DYNC2H1: variants seen among roughly 807,000 people sequenced by gnomAD.
DYNC2H1 encodes the protein dynein cytoplasmic 2 heavy chain 1, also known as cytoplasmic dynein 2 heavy chain 1.
In DYNC2H1, 410 loss-of-function variants were observed where a neutral mutation model predicts 570.0. The ratio of observed to expected loss-of-function variants is 0.72; its 90% CI spans 0.66 to 0.78. The LOEUF (loss-of-function observed/expected upper bound fraction) is 0.78, where lower values mean the gene tolerates loss of function less well. Ranked by LOEUF, DYNC2H1 falls within the 30% of genes least tolerant of loss-of-function variation. The pLI, the probability that DYNC2H1 is intolerant of heterozygous loss-of-function variation, is 0.00. For missense variants in DYNC2H1, 4,865 were observed against 5,046.4 expected, an observed-to-expected ratio of 0.96 and a Z score of 1.09; for synonymous variants, 1,688 against 1,677.6, an observed-to-expected ratio of 1.01 and a Z score of -0.15.
chr11:103,451,324 C>CTTTT lies in DYNC2H1; in HGVS notation c.12457-3838_12457-3835dup, dbSNP rs34032894. Reference sequence around the variant, plus strand: ...AGAAATGAATCACTGAGTAAAAGGGCTTTTTTTTTTTTTTTTTTTTTTTTT... The same window carrying CTTTT: ...AGAAATGAATCACTGAGTAAAAGGGCTTTTTTTTTTTTTTTTTTTTTTTTTTTTT... On this transcript the variant is annotated intron_variant, in intron 85 of 88. Coordinates refer to ENST00000375735, the MANE Select transcript of DYNC2H1 (RefSeq NM_001377.3). Among the ~76,000 whole-genome samples, 45 of 71,038 alleles carry CTTTT rather than the reference C, an allele frequency of 6.3e-4. 6 individuals are homozygous for CTTTT. Among genetic ancestry groups the CTTTT allele is most frequent in the African/African-American group, 2.0e-3 (29 of 14,836 alleles). 46.6% of individuals were successfully genotyped at this position (71,038 alleles called of 152,430 possible). A position where few individuals can be genotyped will look rare whatever the true frequency, so the allele number is the denominator to read the frequency against.
At chr11:103,423,012 T>C (rs1046605048) in intron 84 of DYNC2H1, among the ~76,000 whole-genome samples, 3 of 151,954 alleles carry the variant, frequency 2.0e-5, no homozygotes, top group Non-Finnish European at 4.4e-5. Context: ...GAGTCTATTT[T>C]TTTTTCTTTT....
chr11:103,238,481 A>C (rs1864304950), intron 63 of DYNC2H1, among the ~76,000 whole-genome samples: 1 of 152,000 alleles, frequency 6.6e-6, no homozygotes, highest in African/African-American at 2.4e-5. Context: ...AGACAGGAGA[A>C]TTGCTTGAAA....
In DYNC2H1 at chr11:103,255,507, A is replaced by G; in HGVS notation, c.10299A>G (p.Leu3433=). 1 of 1,560,224 alleles carries G rather than the reference A, an allele frequency of 6.4e-7. No individual in the cohort carries two copies. The highest frequency in any genetic ancestry group is 8.7e-7 in the Non-Finnish European group (1 of 1,151,292). Residue 3433 remains leucine, a synonymous_variant, in exon 67 of 89, where the codon CTA becomes CTG. Transcript: ENST00000375735. ...AGGAAGAAGATAAGAAAATACAGCT[A>G]GCCAAGCTCGAAGAATCTCTTCTAG... The part of the protein sequence containing the change: ...LQQEEDKKIQ[L]AKLEESLLET...
Position 103,152,293 on chromosome 11 carries a change from TC to T in DYNC2H1, c.3096+9del. On this transcript the variant is annotated intron_variant, in intron 21 of 88. Coordinates refer to ENST00000375735, the MANE Select transcript of DYNC2H1 (RefSeq NM_001377.3). The stretch of plus-strand genomic sequence containing the variant: ...CTTATGATTAAAGACCAGGTTAGAA[TC>T]TTTTAATTATTTATTAAAATGGGAA... The T allele has an allele frequency of 6.4e-7, 1 of 1,572,180 alleles. No individual in the cohort carries two copies. The highest frequency in any genetic ancestry group is 8.6e-7 in the Non-Finnish European group (1 of 1,167,302).
chr11:103,419,365 C>T (rs1327815840), intron 84 of DYNC2H1, among the ~76,000 whole-genome samples: 2 of 152,096 alleles, frequency 1.3e-5, no homozygotes, highest in Admixed American at 6.5e-5. Flanking sequence ...CTCCAGATAC[C>T]TCCTACAGGC....
At chr11:103,354,198 A>T (rs1940208409) in intron 82 of DYNC2H1, among the ~76,000 whole-genome samples, 1 of 151,152 alleles carries the variant, frequency 6.6e-6, no homozygotes, top group African/African-American at 2.4e-5. Context: ...AAAAAAAAAA[A>T]AAAATCTCCT....
At chr11:103,231,450 C>A in intron 60 of DYNC2H1, 104 bp downstream of exon 60, 1 of 648,546 alleles carries the variant, frequency 1.5e-6, no homozygotes, top group Non-Finnish European at 2.6e-6. Flanking sequence ...ACTCTTATGT[C>A]AGATGATGCT....
chr11:103,303,645 G>A (rs566679646), intron 76 of DYNC2H1, among the ~76,000 whole-genome samples: 21 of 152,192 alleles, frequency 1.4e-4, no homozygotes, highest in African/African-American at 5.1e-4. Context: ...AATGTAGGTG[G>A]CTTTCAGAAA....
At chr11:103,288,582 C>T (rs529148186) in intron 75 of DYNC2H1, among the ~76,000 whole-genome samples, 1 of 145,822 alleles carries the variant, frequency 6.9e-6, no homozygotes, top group East Asian at 2.1e-4. Flanking sequence ...TGTGGTGGCT[C>T]ATGCCTGTAA....
Position 103,324,071 on chromosome 11 carries a change from G to A in DYNC2H1, c.12039+81G>A. ...ACAAAATTAAACTTGATTTAGTACT[G>A]TAGACCCCACAAGCTTTATTTAAAC... On this transcript the variant is annotated intron_variant, in intron 82 of 88. Transcript: ENST00000375735. The surrounding 1 kb of genome is among the most constrained non-coding windows in gnomAD (Gnocchi z 5.2). 2.5e-6 allele frequency: 2 copies of A among 788,224 alleles called. No homozygotes were observed. Among genetic ancestry groups the A allele is most frequent in the Non-Finnish European group, 3.7e-6 (2 of 543,774 alleles). 48.8% of individuals were successfully genotyped at this position (788,224 alleles called of 1,614,324 possible). A position where few individuals can be genotyped will look rare whatever the true frequency, so the allele number is the denominator to read the frequency against.
At position 103,473,882 on chromosome 11, in the gene DYNC2H1, G is replaced by GA. The variant is rs974527093; in HGVS notation, c.12765+5184dup. The stretch of plus-strand genomic sequence containing the variant: ...AGGCACAATTGACAATTCAGCTTCA[G>GA]AAAAAAATTTATTCTCAGAGAAAAT... On this transcript the variant is annotated intron_variant, in intron 88 of 88. Coordinates refer to ENST00000375735, the MANE Select transcript of DYNC2H1 (RefSeq NM_001377.3). 2.1e-4 allele frequency among the ~76,000 whole-genome samples: 32 copies of GA among 151,992 alleles called. 1 individual carries two copies. Among genetic ancestry groups the GA allele is most frequent in the Admixed American group, 1.8e-3 (27 of 15,262 alleles).
intron 70 of DYNC2H1, among the ~76,000 whole-genome samples, chr11:103,271,956 T>C (rs59634215): frequency 0.19 from 28,558 of 152,070 alleles, 3,575 homozygotes; most frequent in African/African-American, 0.36. Context: ...GAAATAGGAA[T>C]GCTTTTACAC....
In DYNC2H1 at chr11:103,234,019, T is replaced by G. The variant is rs758850667; in HGVS notation, c.9441-15T>G. ...AATCCTTTTTGCTTTTAATTAAATTTTAATGTTTACATAGATTTCAGAGCA... is the reference window on the plus strand; with the variant it reads ...AATCCTTTTTGCTTTTAATTAAATTGTAATGTTTACATAGATTTCAGAGCA... On this transcript the variant is annotated splice_polypyrimidine_tract_variant and intron_variant, in intron 60 of 88. Coordinates refer to ENST00000375735, the MANE Select transcript of DYNC2H1 (RefSeq NM_001377.3). 1 of 1,544,266 alleles carries G rather than the reference T, an allele frequency of 6.5e-7. No homozygotes were observed. The highest frequency in any genetic ancestry group is 2.4e-5 in the East Asian group (1 of 40,902).
At chr11:103,146,588 C>T (rs1415349678) in intron 18 of DYNC2H1, among the ~76,000 whole-genome samples, 1 of 151,890 alleles carries the variant, frequency 6.6e-6, no homozygotes, top group Non-Finnish European at 1.5e-5. Flanking sequence ...TATATTATAT[C>T]CTGCTATTTG....
chr11:103,243,865 C>A lies in DYNC2H1; in HGVS notation c.9918+74C>A. On this transcript the variant is annotated intron_variant, in intron 64 of 88. Transcript: ENST00000375735. This position sits in a 1 kb window ranked among gnomAD's most constrained non-coding sequence, Gnocchi z 4.8. ...GTGAAAAGATCTTGGAGTCTATAAT[C>A]AGAAAACATAGATTCAACACTGGGT... is the stretch of plus-strand genomic sequence containing the variant. The A allele has an allele frequency of 8.4e-7, 1 of 1,196,752 alleles. No homozygotes were observed. The highest frequency in any genetic ancestry group is 1.2e-6 in the Non-Finnish European group (1 of 856,264). 74.1% of individuals were successfully genotyped at this position (1,196,752 alleles called of 1,614,324 possible).
chr11:103,244,205 T>C lies in DYNC2H1; in HGVS notation c.9918+414T>C, dbSNP rs116021550. ...CAGTTTCTCTGAATGCCTCTCATAA[T>C]TTCCAATTTCTTTAACTCATTGACA... On this transcript the variant is annotated intron_variant, in intron 64 of 88. Coordinates refer to ENST00000375735, the MANE Select transcript of DYNC2H1 (RefSeq NM_001377.3). This position sits in a 1 kb window ranked among gnomAD's most constrained non-coding sequence, Gnocchi z 4.3. Among the ~76,000 whole-genome samples the C allele has an allele frequency of 3.4e-3, 512 of 152,228 alleles. 1 individual carries two copies. The highest frequency in any genetic ancestry group is 0.012 in the African/African-American group (490 of 41,572).
intron 87 of DYNC2H1, among the ~76,000 whole-genome samples, chr11:103,464,881 A>G (rs1277871549): frequency 6.6e-6 from 1 of 152,322 alleles, no homozygotes; most frequent in East Asian, 1.9e-4. Flanking sequence ...ACCCCAAATT[A>G]ACAAAATAAT....
chr11:103,267,862 A>G (rs1157057760), intron 70 of DYNC2H1, among the ~76,000 whole-genome samples: 1 of 151,704 alleles, frequency 6.6e-6, no homozygotes. Flanking sequence ...TTGTTCCATA[A>G]TTTCTCTCTT....
chr11:103,199,246 C>A lies in DYNC2H1; in HGVS notation c.7858C>A (p.Arg2620=). ...TTAAAAGGGTCTTATTCATTATGGACGAGATAACCAGAATTTAGACATTTT... is the reference window on the plus strand; with the variant it reads ...TTAAAAGGGTCTTATTCATTATGGAAGAGATAACCAGAATTTAGACATTTT... ...VIKKGLIHYG[R]DNQNLDILLF... The change falls in exon 49 of 89, where the codon CGA becomes AGA. Residue 2620 remains arginine (R), a synonymous_variant. Transcript: ENST00000375735. The surrounding 1 kb of genome is among the most constrained non-coding windows in gnomAD (Gnocchi z 4.6). 2 of 1,584,086 alleles carry A rather than the reference C, an allele frequency of 1.3e-6. No homozygotes were observed. Among genetic ancestry groups the A allele is most frequent in the Non-Finnish European group, 8.6e-7 (1 of 1,162,676 alleles).
Sources: gnomAD v4.1 joint callset for allele counts (sites outside exome capture counted in the v4.1 genomes callset) on GRCh38, gnomAD v4.1.1 for gene constraint, Gnocchi (gnomAD v3.1) non-coding constraint, MANE v1.5 for transcripts, NCBI Gene and HGNC (gene_info 2026-07-23, HGNC 2026-07-21) for gene names.